The following EML5 variants were observed in gnomAD, a reference collection of about 807,000 sequenced individuals.
EML5 encodes the protein EMAP like 5, also known as echinoderm microtubule-associated protein-like 5.
A neutral mutation model predicts 250.0 loss-of-function variants in EML5; 120 were observed. That is an observed-to-expected ratio of 0.48 (90% CI 0.41 to 0.56). EML5 has a LOEUF of 0.56. EML5 is among the 20% of genes least tolerant of loss of function. The pLI, the probability that EML5 is intolerant of heterozygous loss-of-function variation, is 0.00. For synonymous variants in EML5, 771 were observed against 806.5 expected, an observed-to-expected ratio of 0.96 and a Z score of 0.75; for missense variants, 2,006 against 2,437.6, an observed-to-expected ratio of 0.82 and a Z score of 3.73.
chr14:88,658,812 A>G (rs1339841430), intron 25 of EML5, among the ~76,000 whole-genome samples: 1 of 152,198 alleles, frequency 6.6e-6, no homozygotes, highest in African/African-American at 2.4e-5. Context: ...GTTAATTACA[A>G]TGTATATGGA....
intron 32 of EML5, among the ~76,000 whole-genome samples, chr14:88,636,942 A>G (rs971829211): frequency 6.6e-6 from 1 of 152,250 alleles, no homozygotes. Flanking sequence ...ACTTGGCCCT[A>G]AAATTCCAAG....
At chr14:88,764,670 A>G (rs1455856040) in intron 1 of EML5, among the ~76,000 whole-genome samples, 1 of 152,042 alleles carries the variant, frequency 6.6e-6, no homozygotes, top group Non-Finnish European at 1.5e-5. Flanking sequence ...TAGATTACTG[A>G]CCTGAGATTA....
chr14:88,755,860 A>G (rs768258197), intron 1 of EML5, among the ~76,000 whole-genome samples: 1 of 152,106 alleles, frequency 6.6e-6, no homozygotes, highest in Non-Finnish European at 1.5e-5. Flanking sequence ...TGAGCCAGAC[A>G]TAGCAGCATA....
chr14:88,671,215 C>G (rs1257094725), intron 21 of EML5, among the ~76,000 whole-genome samples: 1 of 152,238 alleles, frequency 6.6e-6, no homozygotes, highest in Non-Finnish European at 1.5e-5. Context: ...GACCTCTCAG[C>G]AGAAGCCCTA....
intron 14 of EML5, among the ~76,000 whole-genome samples, chr14:88,698,265 C>CTTTTTT (rs60164768): frequency 8.3e-6 from 1 of 119,936 alleles, no homozygotes; most frequent in Non-Finnish European, 1.7e-5. Context: ...CTCCAGTTTC[C>CTTTTTT]TTTTTTTTTT....
intron 7 of EML5, among the ~76,000 whole-genome samples, chr14:88,729,119 GTTA>G (rs2093712823): frequency 6.6e-6 from 1 of 151,876 alleles, no homozygotes; most frequent in South Asian, 2.1e-4. Flanking sequence ...GAGAATGGCA[GTTA>G]TTTTTTTCCT....
At chr14:88,656,080 C>A (rs1179751942) in intron 27 of EML5, among the ~76,000 whole-genome samples, 2 of 152,132 alleles carry the variant, frequency 1.3e-5, no homozygotes, top group Non-Finnish European at 2.9e-5. Context: ...GGATCTAGAA[C>A]TAGAAATACC....
At chr14:88,736,159 C>T (rs1349450065) in intron 7 of EML5, among the ~76,000 whole-genome samples, 1 of 151,982 alleles carries the variant, frequency 6.6e-6, no homozygotes, top group Admixed American at 6.6e-5. Context: ...CGCCACCATG[C>T]CCAGCTAATT....
intron 22 of EML5, among the ~76,000 whole-genome samples, chr14:88,664,927 A>G (rs1595436229): frequency 6.6e-6 from 1 of 152,284 alleles, no homozygotes; most frequent in East Asian, 1.9e-4. Context: ...AATGGAACTA[A>G]ACCAACATAA....
intron 21 of EML5, among the ~76,000 whole-genome samples, chr14:88,678,899 A>G (rs2092656869): frequency 6.6e-6 from 1 of 152,120 alleles, no homozygotes; most frequent in African/African-American, 2.4e-5. Context: ...CCATTCTCTC[A>G]CAGTTCTGGA....
chr14:88,695,410 T>C lies in EML5; in HGVS notation c.2389A>G (p.Thr797Ala), dbSNP rs756805276. 3 of 1,612,734 alleles carry C rather than the reference T, an allele frequency of 1.9e-6. No individual in the cohort carries two copies. The highest frequency in any genetic ancestry group is 2.5e-6 in the Non-Finnish European group (3 of 1,179,388). Residue 797 changes from threonine to alanine, a missense_variant, in exon 16 of 44, where the codon ACT becomes GCT. Coordinates refer to ENST00000554922, the MANE Select transcript of EML5 (RefSeq NM_183387.3). Reference sequence around the variant, plus strand: ...TTCTTCCAGTCCCAGAGCACAACAGTATGGCTATCATCTATGCCAACTGAT... The same window carrying C: ...TTCTTCCAGTCCCAGAGCACAACAGCATGGCTATCATCTATGCCAACTGAT... ...LASVGIDDSH[T>A]VVLWDWKKGE...
intron 7 of EML5, among the ~76,000 whole-genome samples, chr14:88,732,297 T>C (rs188186206): frequency 1.3e-5 from 2 of 152,336 alleles, no homozygotes; most frequent in East Asian, 3.9e-4. Flanking sequence ...TAGCCAGTTT[T>C]CCCAGCACCA....
intron 1 of EML5, among the ~76,000 whole-genome samples, chr14:88,757,273 C>A (rs2094173639): frequency 6.6e-6 from 1 of 151,966 alleles, no homozygotes; most frequent in African/African-American, 2.4e-5. Context: ...AATATATATC[C>A]ACATACAAAA....
intron 1 of EML5, among the ~76,000 whole-genome samples, chr14:88,772,614 G>A (rs143498940): frequency 2.0e-4 from 30 of 152,204 alleles, no homozygotes; most frequent in African/African-American, 6.7e-4. Context: ...TTAGCAAGGC[G>A]TGGTGGTGCG....
At chr14:88,723,395 A>T (rs898971783) in intron 8 of EML5, among the ~76,000 whole-genome samples, 7 of 152,244 alleles carry the variant, frequency 4.6e-5, no homozygotes, top group African/African-American at 1.7e-4. Flanking sequence ...TGTGGAATCT[A>T]AAAAAGTCAA....
intron 3 of EML5, among the ~76,000 whole-genome samples, chr14:88,745,168 TG>T (rs1373191788): frequency 2.6e-4 from 5 of 18,986 alleles, no homozygotes; most frequent in Non-Finnish European, 3.9e-4. Flanking sequence ...ATTGTGTGTT[TG>T]TGTGTGTGTG....
chr14:88,777,947 C>T (rs1351393067), intron 1 of EML5, among the ~76,000 whole-genome samples: 1 of 152,194 alleles, frequency 6.6e-6, no homozygotes, highest in African/African-American at 2.4e-5. Context: ...TCTACTCCTG[C>T]CTGGGCAAAA....
intron 14 of EML5, among the ~76,000 whole-genome samples, chr14:88,697,635 A>C (rs2093109635): frequency 6.6e-6 from 1 of 152,230 alleles, no homozygotes; most frequent in Non-Finnish European, 1.5e-5. Context: ...CACTTTCTTT[A>C]ACCATAAGCA....
chr14:88,775,282 TA>T (rs2094436056), intron 1 of EML5, among the ~76,000 whole-genome samples: 1 of 152,000 alleles, frequency 6.6e-6, no homozygotes, highest in African/African-American at 2.4e-5. Context: ...AGCATGGCCA[TA>T]GGGGTGGGTA....
Sources: allele counts gnomAD v4.1 joint callset (sites outside exome capture counted in the v4.1 genomes callset), GRCh38; gene constraint gnomAD v4.1.1; transcripts MANE v1.5; gene names NCBI Gene and HGNC (gene_info 2026-07-23, HGNC 2026-07-21).